Variants in SP110 observed in about 807,000 individuals in gnomAD.
SP110 encodes interferon-induced protein 41, 30kD.
SP110 carries 62 observed loss-of-function variants against 92.7 expected under a neutral mutation model. The observed-to-expected ratio is 0.67, with a 90% confidence interval of 0.55 to 0.83. SP110 has a LOEUF of 0.83. Ranked by LOEUF, SP110 falls within the 40% of genes least tolerant of loss-of-function variation. The pLI is 0.00. For synonymous variants in SP110, 273 were observed against 305.3 expected, an observed-to-expected ratio of 0.89 and a Z score of 1.10; for missense variants, 793 against 863.9, an observed-to-expected ratio of 0.92 and a Z score of 1.03.
chr2:230,169,144 C>G lies in SP110; in HGVS notation c.2122G>C (p.Gly708Arg), dbSNP rs181058279. ...CAGGGTCAAGGAAGAGTCCAGAAAC[C>G]GCCGTCATTGGCTTCATGAAAACCG... Reference protein sequence around the residue: ...VLGFHEANDGGFWTLP With the variant: ...VLGFHEANDGRFWTLP Residue 708 changes from glycine (G) to arginine (R), a missense_variant, in exon 19 of 19, where the codon GGT (glycine) becomes CGT (arginine). Physicochemically the swap from Gly to Arg is moderately radical, Grantham distance 125 (BLOSUM62 -2). Coordinates refer to ENST00000258381, the MANE Select transcript of SP110 (RefSeq NM_080424.4). 1,438 of 1,612,512 alleles carry G rather than the reference C, an allele frequency of 8.9e-4. 3 individuals are homozygous for G. The highest frequency in any genetic ancestry group is 1.1e-3 in the Non-Finnish European group (1,354 of 1,178,692).
chr2:230,202,550 C>G (rs1194831666), intron 9 of SP110, 29 bp downstream of exon 9: 1 of 1,612,348 alleles, frequency 6.2e-7, no homozygotes, highest in Non-Finnish European at 8.5e-7. Flanking sequence ...CTGAGCCATT[C>G]AAATGGCAGA....
chr2:230,200,643 G>C, intron 10 of SP110: 2 of 553,922 alleles, frequency 3.6e-6, no homozygotes. Flanking sequence ...TGAGTGCTGA[G>C]AAAAATCTTA....
chr2:230,189,599 C>T (rs191478422), intron 10 of SP110, among the ~76,000 whole-genome samples: 76 of 152,216 alleles, frequency 5.0e-4, no homozygotes, highest in Non-Finnish European at 8.7e-4. Flanking sequence ...CAAAATGGGA[C>T]ACACGTGCAG....
At position 230,215,035 on chromosome 2, in the gene SP110, G is replaced by T. The variant is rs754278979; in HGVS notation, c.231C>A (p.Asn77Lys). ...TGAACAATGTCACCAGAAGAGACAGGTTAAAAGTCCTCTCCAGTTGGGTGA... is the reference window on the plus strand; with the variant it reads ...TGAACAATGTCACCAGAAGAGACAGTTTAAAAGTCCTCTCCAGTTGGGTGA... ...NILTQLERTF[N>K]LSLLVTLFSQ... The change falls in exon 3 of 19, where the codon AAC (asparagine) becomes AAA (lysine). Residue 77 changes from asparagine to lysine, a missense_variant. Transcript: ENST00000258381. The T allele has an allele frequency of 1.2e-6, 2 of 1,613,608 alleles. No individual in the cohort carries two copies. The highest frequency in any genetic ancestry group is 1.7e-6 in the Non-Finnish European group (2 of 1,179,496).
chr2:230,205,918 T>C (rs1453419850), intron 8 of SP110, among the ~76,000 whole-genome samples: 2 of 152,258 alleles, frequency 1.3e-5, no homozygotes, highest in East Asian at 1.9e-4. Context: ...ATAATCTGAC[T>C]AGTTTACAAT....
At chr2:230,219,781 T>C (rs1458996086) in intron 1 of SP110, 93 bp downstream of exon 1, 3 of 298,308 alleles carry the variant, frequency 1.0e-5, no homozygotes, top group Non-Finnish European at 1.5e-5. Flanking sequence ...GTTTAAATAG[T>C]TGAACTCCAC....
chr2:230,197,350 A>G (rs1161666344), intron 10 of SP110, among the ~76,000 whole-genome samples: 2 of 151,264 alleles, frequency 1.3e-5, no homozygotes, highest in Non-Finnish European at 2.9e-5. Context: ...TCTTTTGAGA[A>G]GTGTCTGTTC....
At chr2:230,172,702 A>C in intron 15 of SP110, 142 bp downstream of exon 15, 1 of 639,320 alleles carries the variant, frequency 1.6e-6, no homozygotes, top group Non-Finnish European at 2.9e-6. Context: ...GCTCACTGGC[A>C]GTCTCAGAGA....
chr2:230,187,548 A>C (rs768519721), intron 10 of SP110, among the ~76,000 whole-genome samples: 1 of 152,086 alleles, frequency 6.6e-6, no homozygotes, highest in Non-Finnish European at 1.5e-5. Flanking sequence ...TTGGGGTCTC[A>C]GTCATGAATT....
At chr2:230,223,690 G>A (rs2046000478), upstream of SP110, among the ~76,000 whole-genome samples, 1 of 152,214 alleles carries the variant, frequency 6.6e-6, no homozygotes, top group South Asian at 2.1e-4. Context: ...AGCGTTCAGA[G>A]TCAGGAATTT....
chr2:230,187,142 C>T (rs1188979020), intron 10 of SP110, among the ~76,000 whole-genome samples: 1 of 152,166 alleles, frequency 6.6e-6, no homozygotes, highest in Non-Finnish European at 1.5e-5. Flanking sequence ...ATTCCCTTTT[C>T]ACCACGTCCA....
At chr2:230,202,352 T>C (rs1019343183) in intron 9 of SP110, among the ~76,000 whole-genome samples, 1 of 152,218 alleles carries the variant, frequency 6.6e-6, no homozygotes, top group Non-Finnish European at 1.5e-5. Context: ...TGAGAGCTGC[T>C]GCCCCAGGCC....
chr2:230,206,303 C>A (rs549745496), intron 8 of SP110, among the ~76,000 whole-genome samples: 18 of 152,036 alleles, frequency 1.2e-4, no homozygotes, highest in Non-Finnish European at 2.2e-4. Context: ...TCCAGTGATT[C>A]TTTGTGACCA....
Position 230,168,194 on chromosome 2 carries a change from A to C in SP110, c.*930T>G, listed in dbSNP as rs954191152. The C allele has an allele frequency of 3.3e-5, 5 of 149,714 alleles. No individual in the cohort carries two copies. Among genetic ancestry groups the C allele is most frequent in the Admixed American group, 2.7e-4 (4 of 14,888 alleles). 9.3% of individuals were successfully genotyped at this position (149,714 alleles called of 1,614,324 possible). A position where few individuals can be genotyped will look rare whatever the true frequency, so the allele number is the denominator to read the frequency against. On this transcript the variant is annotated 3_prime_UTR_variant, in exon 19 of 19. Coordinates refer to ENST00000258381, the MANE Select transcript of SP110 (RefSeq NM_080424.4). ...TAACTGCAATGGTTTGTAGCATGCT[A>C]CGTATATTTAAATATGTGGGTTCAA...
At position 230,170,728 on chromosome 2, in the gene SP110, TTG is replaced by T; in HGVS notation, c.1919_1920del (p.Ala640AspfsTer7). On this transcript the variant is annotated frameshift_variant, in exon 18 of 19. Coordinates refer to ENST00000258381, the MANE Select transcript of SP110 (RefSeq NM_080424.4). LOFTEE classifies it high-confidence loss of function. ...IRDYGEPFQE[A>X]MWLDLVKERL... ...CTTTCCTTAACCAGGTCCAACCACA[TTG>T]CTTCCTGAAAGGGCTCACCGTAATC... is the stretch of plus-strand genomic sequence containing the variant. 1.2e-6 allele frequency: 2 copies of T among 1,614,044 alleles called. No homozygotes were observed. The highest frequency in any genetic ancestry group is 1.7e-6 in the Non-Finnish European group (2 of 1,180,002).
At chr2:230,185,914 T>C (rs2042334263) in intron 11 of SP110, 80 bp downstream of exon 11, 3 of 1,216,856 alleles carry the variant, frequency 2.5e-6, no homozygotes, top group East Asian at 2.3e-5. Context: ...TGACTTTACA[T>C]ATCTATCTGA....
chr2:230,212,676 AG>A, intron 4 of SP110, 84 bp downstream of exon 4: 1 of 1,540,212 alleles, frequency 6.5e-7, no homozygotes, highest in Non-Finnish European at 9.0e-7. Context: ...GGACAATAAA[AG>A]TCAAGATGCT....
At chr2:230,193,512 T>A (rs2042729538) in intron 10 of SP110, among the ~76,000 whole-genome samples, 1 of 152,228 alleles carries the variant, frequency 6.6e-6, no homozygotes, top group Admixed American at 6.5e-5. Context: ...GTTTCAAGAG[T>A]TAGAACTCCT....
At chr2:230,209,860 T>C in intron 7 of SP110, 71 bp downstream of exon 7, 1 of 893,584 alleles carries the variant, frequency 1.1e-6, no homozygotes, top group Non-Finnish European at 1.9e-6. Context: ...CTTGACAAGA[T>C]ACAGTCAGAA....
Sources: gnomAD v4.1 joint callset for allele counts (sites outside exome capture counted in the v4.1 genomes callset) on GRCh38, gnomAD v4.1.1 for gene constraint, MANE v1.5 for transcripts, NCBI Gene and HGNC (gene_info 2026-07-23, HGNC 2026-07-21) for gene names.